The following DCAF16 variants were observed in gnomAD, a reference collection of about 807,000 sequenced individuals.
DCAF16 encodes DDB1 and CUL4 associated factor 16.
In DCAF16, 10 loss-of-function variants were observed where a neutral mutation model predicts 17.3. The observed-to-expected ratio is 0.58, with a 90% CI of 0.36 to 0.98. The LOEUF (loss-of-function observed/expected upper bound fraction) is 0.98, where lower values mean the gene tolerates loss of function less well. DCAF16 is among the 50% of genes least tolerant of loss of function. The pLI, the probability that DCAF16 is intolerant of heterozygous loss-of-function variation, is 0.01. For synonymous variants in DCAF16, 111 were observed against 92.8 expected (o/e 1.20, Z -1.12); for missense variants, 249 against 247.6 (o/e 1.01, Z -0.04).
downstream of DCAF16, among the ~76,000 whole-genome samples, chr4:17,797,995 AGTTTCATCTGGTTTCT>A (rs1280068943): frequency 1.3e-5 from 2 of 152,152 alleles, no homozygotes; most frequent in Non-Finnish European, 2.9e-5. Flanking sequence ...TCATTTGAGG[AGTTTCATCTGGTTTCT>A]GTTGCTAATT....
intron 1 of DCAF16, among the ~76,000 whole-genome samples, chr4:17,808,782 A>C (rs887137756): frequency 6.6e-6 from 1 of 152,186 alleles, no homozygotes; most frequent in African/African-American, 2.4e-5. Context: ...TAATCCCAAC[A>C]GTTTGGGAGG....
At chr4:17,794,126 GTA>G in the DCAF16 span, among the ~76,000 whole-genome samples, 1 of 152,084 alleles carries the variant, frequency 6.6e-6, no homozygotes, top group African/African-American at 2.4e-5. Context: ...ATGAAAAACA[GTA>G]TCGAATTTCA....
rs768385882 is a variant in DCAF16 at position 17,810,163 on chromosome 4, AATTTC to A, written c.-750+279_-750+283del. 3.3e-5 allele frequency among the ~76,000 whole-genome samples: 5 copies of A among 152,280 alleles called. No homozygotes were observed. The East Asian group carries it at 9.6e-4, about 29-fold the overall frequency. On this transcript the variant is annotated intron_variant, in intron 1 of 2. Coordinates refer to ENST00000382247, the MANE Select transcript of DCAF16 (RefSeq NM_017741.4). ...ATCCAACAGAAGTTCTGTCTGATAT[AATTTC>A]ATTTAAAATTTAAAAACCTAGTTCC...
At position 17,801,847 on chromosome 4, in the gene DCAF16, C is replaced by G. The variant is rs1719819177; in HGVS notation, c.*1644G>C. 6.6e-6 allele frequency: 1 copy of G among 151,960 alleles called. No individual in the cohort carries two copies. Among genetic ancestry groups the G allele is most frequent in the Non-Finnish European group, 1.5e-5 (1 of 67,980 alleles). The allele number at this position is 151,960 out of a possible 1,614,324, so 9.4% of individuals were successfully genotyped here. ...AAGGTTCTTTAAAATTAGAAGGGTTCAATCCCAGCACTTTGGGAGGCCGAG... is the reference window on the plus strand; with the variant it reads ...AAGGTTCTTTAAAATTAGAAGGGTTGAATCCCAGCACTTTGGGAGGCCGAG... On this transcript the variant is annotated 3_prime_UTR_variant, in exon 3 of 3. Coordinates refer to ENST00000382247, the MANE Select transcript of DCAF16 (RefSeq NM_017741.4).
chr4:17,805,628 A>T (rs1178819277), intron 1 of DCAF16, among the ~76,000 whole-genome samples: 1 of 152,228 alleles, frequency 6.6e-6, no homozygotes, highest in East Asian at 1.9e-4. Context: ...ATCTTTAAGC[A>T]AACATTATCC....
rs757182872 is a variant in DCAF16 at position 17,803,169 on chromosome 4, C to T, written c.*322G>A. The T allele has an allele frequency of 7.1e-5, 20 of 282,318 alleles. No individual in the cohort carries two copies. Among genetic ancestry groups the T allele is most frequent in the South Asian group, 2.8e-4 (7 of 25,310 alleles). 17.5% of individuals were successfully genotyped at this position (282,318 alleles called of 1,614,324 possible). ...CCTCCCGAGTAGCAGGGATTACAGG[C>T]GTGCACTGCTGCGCCCGGCTAATTT... On this transcript the variant is annotated 3_prime_UTR_variant, in exon 3 of 3. Coordinates refer to ENST00000382247, the MANE Select transcript of DCAF16 (RefSeq NM_017741.4).
At chr4:17,808,253 T>C (rs1577322413) in intron 1 of DCAF16, among the ~76,000 whole-genome samples, 1 of 152,234 alleles carries the variant, frequency 6.6e-6, no homozygotes, top group East Asian at 1.9e-4. Context: ...AGAGTATTCA[T>C]TCTTTGTCGT....
Position 17,803,384 on chromosome 4 carries a change from G to T in DCAF16, c.*107C>A. 1 of 1,080,204 alleles carries T rather than the reference G, an allele frequency of 9.3e-7. No homozygotes were observed. Among genetic ancestry groups the T allele is most frequent in the Non-Finnish European group, 1.4e-6 (1 of 725,460 alleles). 66.9% of individuals were successfully genotyped at this position (1,080,204 alleles called of 1,614,324 possible). On this transcript the variant is annotated 3_prime_UTR_variant, in exon 3 of 3. Transcript: ENST00000382247. ...AGGGTATCCTCATTGGCTTGCCAGG[G>T]CATAAGAGAGTTTGACTGAGAAGGC... is the stretch of plus-strand genomic sequence containing the variant.
downstream of DCAF16, among the ~76,000 whole-genome samples, chr4:17,799,115 GAT>G (rs1719573592): frequency 2.0e-5 from 3 of 152,272 alleles, no homozygotes; most frequent in South Asian, 6.2e-4. Flanking sequence ...GTGATTAGCA[GAT>G]ATAATTTAAA....
chr4:17,798,926 GT>G (rs1719562499), downstream of DCAF16, among the ~76,000 whole-genome samples: 1 of 152,178 alleles, frequency 6.6e-6, no homozygotes, highest in Non-Finnish European at 1.5e-5. Context: ...AGTACTGGTG[GT>G]TGGTCCAGCT....
intron 1 of DCAF16, among the ~76,000 whole-genome samples, chr4:17,810,221 G>A (rs1435680908): frequency 1.3e-5 from 2 of 152,072 alleles, no homozygotes; most frequent in African/African-American, 2.4e-5. Flanking sequence ...ACCACTACCC[G>A]AAAGACCTTT....
In DCAF16 at chr4:17,801,420, A is replaced by ATTTTTT. The variant is rs1719769045; in HGVS notation, c.*2070_*2071insAAAAAA. 6.6e-6 allele frequency: 1 copy of ATTTTTT among 152,096 alleles called. No homozygotes were observed. Among genetic ancestry groups the ATTTTTT allele is most frequent in the Non-Finnish European group, 1.5e-5 (1 of 68,022 alleles). The allele number at this position is 152,096 out of a possible 1,614,324, so 9.4% of individuals were successfully genotyped here. On this transcript the variant is annotated 3_prime_UTR_variant, in exon 3 of 3. Coordinates refer to ENST00000382247, the MANE Select transcript of DCAF16 (RefSeq NM_017741.4). ...GTTGGGATTACAGGCATGAGCCACCATGCCTGGCCTGCTTCAATTTTTTGA... is the reference window on the plus strand; with the variant it reads ...GTTGGGATTACAGGCATGAGCCACCATTTTTTTGCCTGGCCTGCTTCAATTTTTTGA...
At chr4:17,798,410 G>C (rs1166086110), downstream of DCAF16, among the ~76,000 whole-genome samples, 1 of 148,608 alleles carries the variant, frequency 6.7e-6, no homozygotes, top group Non-Finnish European at 1.5e-5. Flanking sequence ...TTCCTGACCA[G>C]CCTGAGTGAA....
intron 1 of DCAF16, chr4:17,809,609 T>C (rs988178164): frequency 1.3e-5 from 2 of 152,170 alleles, no homozygotes; most frequent in Admixed American, 1.3e-4. Flanking sequence ...TTTCTTCAGC[T>C]GGCAGTAGGT....
Position 17,803,971 on chromosome 4 carries a change from C to T in DCAF16, c.171G>A (p.Lys57=), listed in dbSNP as rs777222946. The T allele has an allele frequency of 3.1e-5, 50 of 1,614,054 alleles. No homozygotes were observed. The highest frequency in any genetic ancestry group is 4.1e-5 in the Non-Finnish European group (48 of 1,180,038). The part of the protein sequence containing the change: ...SPLESLAWQV[K]CLLKYSTTWK... ...AAGTTGTGGAATATTTTAAAAGGCA[C>T]TTAACCTGCCAGGCAAGACTCTCAA... Residue 57 remains lysine (K), a synonymous_variant, in exon 3 of 3, where the codon AAG becomes AAA. Coordinates refer to ENST00000382247, the MANE Select transcript of DCAF16 (RefSeq NM_017741.4).
In DCAF16 at chr4:17,803,967, G is replaced by A. The variant is rs1720053977; in HGVS notation, c.175C>T (p.Leu59Phe). The change falls in exon 3 of 3, where the codon CTT becomes TTT. Residue 59 changes from leucine (L) to phenylalanine (F), a missense_variant. Leu to Phe is a conservative substitution (Grantham distance 22, BLOSUM62 0). Transcript: ENST00000382247. Reference sequence around the variant, plus strand: ...TTCCAAGTTGTGGAATATTTTAAAAGGCACTTAACCTGCCAGGCAAGACTC... The same window carrying A: ...TTCCAAGTTGTGGAATATTTTAAAAAGCACTTAACCTGCCAGGCAAGACTC... Reference protein sequence around the residue: ...LESLAWQVKCLLKYSTTWKPL... With the variant: ...LESLAWQVKCFLKYSTTWKPL... The A allele has an allele frequency of 6.2e-7, 1 of 1,614,166 alleles. No homozygotes were observed. The highest frequency in any genetic ancestry group is 8.5e-7 in the Non-Finnish European group (1 of 1,180,036).
intron 1 of DCAF16, among the ~76,000 whole-genome samples, chr4:17,807,595 G>C (rs776711007): frequency 9.2e-5 from 14 of 152,166 alleles, no homozygotes; most frequent in East Asian, 1.9e-4. Context: ...AGAAATTCCC[G>C]TATGAACAAC....
chr4:17,805,774 C>A (rs1290240748), intron 1 of DCAF16, among the ~76,000 whole-genome samples: 1 of 152,112 alleles, frequency 6.6e-6, no homozygotes. Flanking sequence ...CCAGCCTGGG[C>A]AATATGGCAA....
Position 17,801,650 on chromosome 4 carries a change from T to G in DCAF16, c.*1841A>C, listed in dbSNP as rs1719799878. The G allele has an allele frequency of 6.6e-6, 1 of 152,210 alleles. No individual in the cohort carries two copies. The highest frequency in any genetic ancestry group is 2.4e-5 in the African/African-American group (1 of 41,444). 9.4% of individuals were successfully genotyped at this position (152,210 alleles called of 1,614,324 possible). A position where few individuals can be genotyped will look rare whatever the true frequency, so the allele number is the denominator to read the frequency against. On this transcript the variant is annotated 3_prime_UTR_variant, in exon 3 of 3. Transcript: ENST00000382247. ...CTCATGCATTTTATTTTACGTATAC[T>G]GATTTCTACGTTTTGACTGACTATT...
Sources: allele counts gnomAD v4.1 joint callset (sites outside exome capture counted in the v4.1 genomes callset), GRCh38; gene constraint gnomAD v4.1.1; transcripts MANE v1.5; gene names NCBI Gene and HGNC (gene_info 2026-07-23, HGNC 2026-07-21).